Variants in GTF2A1 observed in about 807,000 individuals in gnomAD.
GTF2A1 encodes transcription initiation factor IIA subunit 1.
A neutral mutation model predicts 54.1 loss-of-function variants in GTF2A1; 12 were observed. The ratio of observed to expected loss-of-function variants is 0.22; its 90% CI spans 0.14 to 0.36. The LOEUF (loss-of-function observed/expected upper bound fraction) is 0.36. Among genes scored for constraint, GTF2A1 ranks in the 10% least tolerant of loss-of-function variants. GTF2A1 has a pLI of 1.00. For synonymous variants in GTF2A1, 145 were observed against 152.0 expected (o/e 0.95, Z 0.34); for missense variants, 335 against 442.2 (o/e 0.76, Z 2.17).
chr14:81,195,589 G>A (rs189337174), intron 6 of GTF2A1, among the ~76,000 whole-genome samples: 3 of 138,922 alleles, frequency 2.2e-5, no homozygotes, highest in South Asian at 2.3e-4. Context: ...CTGAGATCGC[G>A]CCACTGCACT....
At position 81,216,426 on chromosome 14, in the gene GTF2A1, A is replaced by G; in HGVS notation, c.119T>C (p.Met40Thr). The G allele has an allele frequency of 7.2e-7, 1 of 1,398,538 alleles. No homozygotes were observed. The highest frequency in any genetic ancestry group is 1.0e-6 in the Non-Finnish European group (1 of 985,384). The allele number at this position is 1,398,538 out of a possible 1,614,324, so 86.6% of individuals were successfully genotyped here. A position where few individuals can be genotyped will look rare whatever the true frequency, so the allele number is the denominator to read the frequency against. Residue 40 changes from methionine to threonine, a missense_variant, in exon 2 of 9, where the codon ATG (methionine) becomes ACG (threonine). Around this residue, in one of 2 missense-constraint regions of GTF2A1, gnomAD observed 306 missense variants for 360.4 expected, o/e 0.85. Transcript: ENST00000553612. ...LDDGVDEQVL[M>T]ELKTLWENKL... Reference sequence around the variant, plus strand: ...AGACAAACTCACAGTTTTTAGTTCCATCAGTACTTGTTCATCCACTCCATC... The same window carrying G: ...AGACAAACTCACAGTTTTTAGTTCCGTCAGTACTTGTTCATCCACTCCATC...
intron 7 of GTF2A1, among the ~76,000 whole-genome samples, chr14:81,190,636 T>C (rs568744736): frequency 1.9e-4 from 29 of 152,200 alleles, no homozygotes; most frequent in Admixed American, 1.9e-3. Flanking sequence ...GAAGGGAATT[T>C]ACTTAACCTG....
At chr14:81,213,773 T>C (rs1237202000) in intron 2 of GTF2A1, among the ~76,000 whole-genome samples, 3 of 152,106 alleles carry the variant, frequency 2.0e-5, no homozygotes, top group African/African-American at 7.2e-5. Flanking sequence ...TCAAGGTAAA[T>C]AAATATTTGC....
At chr14:81,204,321 TTTTG>T (rs781263277) in intron 2 of GTF2A1, 47 of 683,070 alleles carry the variant, frequency 6.9e-5, no homozygotes, top group East Asian at 3.8e-4. Context: ...GTACTGAAGA[TTTTG>T]TTTCTTTTTT....
intron 5 of GTF2A1, 152 bp from the exon 6 acceptor site, chr14:81,196,393 G>A (rs1411879143): frequency 2.8e-6 from 2 of 720,912 alleles, no homozygotes; most frequent in African/African-American, 1.8e-5. Context: ...TACACAGTAT[G>A]CATAATCCTC....
intron 4 of GTF2A1, among the ~76,000 whole-genome samples, chr14:81,198,202 T>C (rs963711292): frequency 6.6e-6 from 1 of 152,178 alleles, no homozygotes; most frequent in Admixed American, 6.5e-5. Flanking sequence ...CCCAGCACTT[T>C]AGGAGGCCCA....
rs113596198 is a variant in GTF2A1, at chr14:81,192,926, C to A, written c.613-87G>T. ...AATAGAAACAAATGCTTAAGATTCA[C>A]CAGAATGGCCATATTTCATACACAG... On this transcript the variant is annotated intron_variant, in intron 6 of 8. Transcript: ENST00000553612. The A allele has an allele frequency of 3.4e-3, 2,628 of 769,030 alleles. 9 individuals carry two copies. The highest frequency in any genetic ancestry group is 0.02 in the Middle Eastern group (59 of 2,966). The allele number at this position is 769,030 out of a possible 1,614,324, so 47.6% of individuals were successfully genotyped here.
intron 7 of GTF2A1, among the ~76,000 whole-genome samples, chr14:81,186,084 CTCGTGA>C (rs1892738543): frequency 1.4e-5 from 1 of 72,922 alleles, no homozygotes; most frequent in Non-Finnish European, 2.8e-5. Flanking sequence ...ATCTCTTGAC[CTCGTGA>C]TCCACCCCGC....
intron 1 of GTF2A1, among the ~76,000 whole-genome samples, chr14:81,219,336 C>A (rs1012316953): frequency 1.3e-5 from 2 of 152,234 alleles, no homozygotes; most frequent in Non-Finnish European, 2.9e-5. Context: ...GGAGCACGCA[C>A]CTCCCAGCCC....
chr14:81,189,837 TCAAG>T (rs1892835233), intron 7 of GTF2A1, among the ~76,000 whole-genome samples: 1 of 152,140 alleles, frequency 6.6e-6, no homozygotes, highest in Non-Finnish European at 1.5e-5. Context: ...CAAGCAAGTC[TCAAG>T]CAATTTCAAA....
In GTF2A1 at chr14:81,177,491, T is replaced by C. The variant is rs1892553427; in HGVS notation, c.*2732A>G. 1 of 152,152 alleles carries C rather than the reference T, an allele frequency of 6.6e-6. No individual in the cohort carries two copies. Among genetic ancestry groups the C allele is most frequent in the African/African-American group, 2.4e-5 (1 of 41,456 alleles). 9.4% of individuals were successfully genotyped at this position (152,152 alleles called of 1,614,324 possible). A position where few individuals can be genotyped will look rare whatever the true frequency, so the allele number is the denominator to read the frequency against. On this transcript the variant is annotated 3_prime_UTR_variant, in exon 9 of 9. Transcript: ENST00000553612. ...GTATACTGAAAGGCACACATTTCCA[T>C]GTTTTATCTTGTAATTTTGTGTAAA...
intron 7 of GTF2A1, among the ~76,000 whole-genome samples, chr14:81,187,896 T>G (rs190709851): frequency 0.011 from 1,718 of 152,242 alleles, 15 homozygotes; most frequent in Non-Finnish European, 0.018. Context: ...TTTTGAGGAC[T>G]ATCAAACTGT....
intron 7 of GTF2A1, among the ~76,000 whole-genome samples, chr14:81,188,194 G>C (rs1437046801): frequency 6.6e-6 from 1 of 152,284 alleles, no homozygotes; most frequent in South Asian, 2.1e-4. Flanking sequence ...TTGTTACGCT[G>C]TTTAAGAGTT....
chr14:81,194,180 C>G (rs1394442162), intron 6 of GTF2A1, among the ~76,000 whole-genome samples: 3 of 152,224 alleles, frequency 2.0e-5, no homozygotes, highest in Admixed American at 2.0e-4. Flanking sequence ...AGATCAGCAG[C>G]AGCATGAGAT....
chr14:81,195,815 C>T (rs1892980914), intron 6 of GTF2A1, among the ~76,000 whole-genome samples: 1 of 152,006 alleles, frequency 6.6e-6, no homozygotes, highest in Non-Finnish European at 1.5e-5. Flanking sequence ...TACCCCGAGA[C>T]TCAGTAACTG....
At chr14:81,191,237 A>G (rs1892869871) in intron 7 of GTF2A1, among the ~76,000 whole-genome samples, 1 of 152,214 alleles carries the variant, frequency 6.6e-6, no homozygotes, top group African/African-American at 2.4e-5. Context: ...ACAATTATGT[A>G]TTGAATGGCA....
At position 81,204,129 on chromosome 14, in the gene GTF2A1, T is replaced by A. The variant is rs778459812; in HGVS notation, c.133-25A>T. The A allele has an allele frequency of 4.7e-6, 7 of 1,478,504 alleles. No homozygotes were observed. The African/African-American group carries it at 9.7e-5, about 20-fold the overall frequency. The allele number at this position is 1,478,504 out of a possible 1,614,324, so 91.6% of individuals were successfully genotyped here. ...ACTAAGGCAAAGAACATTAAAGATT[T>A]CTAAGTGAAAAATAACTCTGGACAG... is the stretch of plus-strand genomic sequence containing the variant. On this transcript the variant is annotated intron_variant, in intron 2 of 8. Coordinates refer to ENST00000553612, the MANE Select transcript of GTF2A1 (RefSeq NM_015859.4).
chr14:81,197,154 T>A (rs1893009584), intron 5 of GTF2A1: 1 of 287,286 alleles, frequency 3.5e-6, no homozygotes, highest in Non-Finnish European at 6.5e-6. Flanking sequence ...CATTTTTATA[T>A]AATCATACTT....
chr14:81,209,804 C>A, intron 2 of GTF2A1: 2 of 554,598 alleles, frequency 3.6e-6, no homozygotes, highest in South Asian at 1.7e-5. Context: ...AAAGTCTCAA[C>A]AGCCTCAAAG....
Sources: allele counts gnomAD v4.1 joint callset (sites outside exome capture counted in the v4.1 genomes callset), GRCh38; gene constraint gnomAD v4.1.1; regional missense constraint gnomAD v4.1.1; transcripts MANE v1.5; gene names NCBI Gene and HGNC (gene_info 2026-07-23, HGNC 2026-07-21).